Variants in MMUT observed in about 807,000 individuals in gnomAD.
The protein encoded by MMUT is methylmalonyl-CoA mutase, mitochondrial.
Under a neutral mutation model 79.9 loss-of-function variants are expected in MMUT, and 79 were observed. The observed-to-expected ratio is 0.99, with a 90% CI of 0.82 to 1.19. The LOEUF is 1.19. Among genes scored for constraint, MMUT ranks in the 50% most tolerant of loss-of-function variants. The pLI is 0.00. For missense variants in MMUT, 860 were observed against 917.2 expected (o/e 0.94, Z 0.81); for synonymous variants, 273 against 295.7 (o/e 0.92, Z 0.79).
intron 8 of MMUT, among the ~76,000 whole-genome samples, chr6:49,445,873 C>T (rs957891793): frequency 3.3e-5 from 5 of 151,900 alleles, no homozygotes; most frequent in Admixed American, 1.3e-4. Flanking sequence ...GCCCATTTTT[C>T]TTTATCTTTT....
At chr6:49,440,615 A>G (rs972644072) in intron 10 of MMUT, among the ~76,000 whole-genome samples, 3 of 152,128 alleles carry the variant, frequency 2.0e-5, no homozygotes, top group African/African-American at 7.2e-5. Context: ...CCCAGCATCC[A>G]TTAGCTATTC....
chr6:49,458,081 T>C (rs753457133), intron 2 of MMUT, 23 bp from the exon 3 acceptor site: 9 of 1,597,472 alleles, frequency 5.6e-6, no homozygotes, highest in South Asian at 2.2e-5. Context: ...AGAAAAATAA[T>C]GTAAGATTCA....
intron 11 of MMUT, among the ~76,000 whole-genome samples, chr6:49,438,195 A>G (rs1767183077): frequency 6.6e-6 from 1 of 152,158 alleles, no homozygotes; most frequent in Non-Finnish European, 1.5e-5. Context: ...CTTTTCATAT[A>G]AAATTATTAC....
At chr6:49,447,455 T>C (rs969214701) in intron 8 of MMUT, among the ~76,000 whole-genome samples, 1 of 151,832 alleles carries the variant, frequency 6.6e-6, no homozygotes, top group African/African-American at 2.4e-5. Flanking sequence ...AAGTTTTTGG[T>C]GTCAACAGAC....
At chr6:49,453,850 T>C in intron 4 of MMUT, 94 bp from the exon 5 acceptor site, 2 of 1,090,766 alleles carry the variant, frequency 1.8e-6, no homozygotes, top group Non-Finnish European at 2.7e-6. Flanking sequence ...AAAATCAAGG[T>C]CTATATTTTA....
At chr6:49,449,957 G>C (rs1214885683) in intron 6 of MMUT, among the ~76,000 whole-genome samples, 2 of 152,108 alleles carry the variant, frequency 1.3e-5, no homozygotes, top group Non-Finnish European at 2.9e-5. Context: ...AGCAGGCAGG[G>C]AGCAGTGGCT....
At chr6:49,454,151 T>C (rs1342174391) in intron 4 of MMUT, among the ~76,000 whole-genome samples, 1 of 152,200 alleles carries the variant, frequency 6.6e-6, no homozygotes, top group Non-Finnish European at 1.5e-5. Flanking sequence ...GAAAAGTGTT[T>C]TGTAAAAGAA....
At chr6:49,443,856 C>T in intron 9 of MMUT, 2 of 399,982 alleles carry the variant, frequency 5.0e-6, no homozygotes, top group African/African-American at 2.1e-5. Flanking sequence ...TTTCACTCAG[C>T]CTTTTTTAAA....
chr6:49,449,339 A>G (rs1346217381), intron 6 of MMUT, among the ~76,000 whole-genome samples: 1 of 152,206 alleles, frequency 6.6e-6, no homozygotes, highest in East Asian at 1.9e-4. Flanking sequence ...GGAAACATTT[A>G]AACCTTCAAT....
At chr6:49,447,263 C>G (rs1312486406) in intron 8 of MMUT, among the ~76,000 whole-genome samples, 5 of 151,980 alleles carry the variant, frequency 3.3e-5, no homozygotes, top group African/African-American at 1.2e-4. Flanking sequence ...AAAGAAATTA[C>G]AATAAGAAGC....
rs1205405778 is a variant in MMUT, at chr6:49,430,873, C to G, written c.*855G>C. 6.6e-6 allele frequency: 1 copy of G among 152,144 alleles called. No homozygotes were observed. The highest frequency in any genetic ancestry group is 1.5e-5 in the Non-Finnish European group (1 of 68,004). 9.4% of individuals were successfully genotyped at this position (152,144 alleles called of 1,614,324 possible). Reference sequence around the variant, plus strand: ...TTTCAGTAAGCAAAGTACAGGTGTTCTCTGTGATATTTTTATTTTTGCAAT... The same window carrying G: ...TTTCAGTAAGCAAAGTACAGGTGTTGTCTGTGATATTTTTATTTTTGCAAT... On this transcript the variant is annotated 3_prime_UTR_variant, in exon 13 of 13. Coordinates refer to ENST00000274813, the MANE Select transcript of MMUT (RefSeq NM_000255.4).
In MMUT at chr6:49,459,133, C is replaced by A; in HGVS notation, c.334G>T (p.Gly112Cys). Reference protein sequence around the residue: ...FRPWTIRQYAGFSTVEESNKF... With the variant: ...FRPWTIRQYACFSTVEESNKF... Reference sequence around the variant, plus strand: ...TTGCTTTCTTCCACAGTACTAAAACCAGCATACTGGCGGATGGTCCAGGGC... The same window carrying A: ...TTGCTTTCTTCCACAGTACTAAAACAAGCATACTGGCGGATGGTCCAGGGC... The change falls in exon 2 of 13, where the codon GGT becomes TGT. Residue 112 changes from glycine (G) to cysteine (C), a missense_variant. Transcript: ENST00000274813. The A allele has an allele frequency of 6.2e-7, 1 of 1,614,076 alleles. No homozygotes were observed. Among genetic ancestry groups the A allele is most frequent in the Non-Finnish European group, 8.5e-7 (1 of 1,180,000 alleles).
chr6:49,462,254 T>C (rs1047750008), intron 1 of MMUT, among the ~76,000 whole-genome samples: 5 of 152,156 alleles, frequency 3.3e-5, no homozygotes, highest in African/African-American at 1.2e-4. Context: ...AGAGCAATGA[T>C]TAATCCCACC....
At chr6:49,441,424 C>T (rs190547114) in intron 10 of MMUT, among the ~76,000 whole-genome samples, 16 of 151,654 alleles carry the variant, frequency 1.1e-4, no homozygotes, top group African/African-American at 3.9e-4. Flanking sequence ...AATATAAATA[C>T]CTGGAGGATA....
chr6:49,448,971 ATG>A, intron 6 of MMUT, 44 bp from the exon 7 acceptor site: 1 of 1,271,044 alleles, frequency 7.9e-7, no homozygotes, highest in South Asian at 1.2e-5. Context: ...AATATTAAAA[ATG>A]TGTGTAAACT....
intron 10 of MMUT, 35 bp from the exon 11 acceptor site, chr6:49,440,388 T>A (rs746708475): frequency 1.4e-5 from 23 of 1,603,178 alleles, no homozygotes; most frequent in Non-Finnish European, 1.9e-5. Context: ...AGTAGTTAGA[T>A]ACTAATTTTC....
At chr6:49,456,383 T>G in intron 3 of MMUT, 146 bp from the exon 4 acceptor site, 1 of 676,600 alleles carries the variant, frequency 1.5e-6, no homozygotes, top group Non-Finnish European at 2.6e-6. Flanking sequence ...AAATATTTAA[T>G]GCTTATTTGT....
chr6:49,447,548 GA>G (rs1294478311), intron 8 of MMUT, 121 bp downstream of exon 8: 3 of 649,082 alleles, frequency 4.6e-6, no homozygotes, highest in Non-Finnish European at 8.2e-6. Flanking sequence ...TGAAATGATG[GA>G]AATTAATACA....
At position 49,451,567 on chromosome 6, in the gene MMUT, T is replaced by C. The variant is rs1403433525; in HGVS notation, c.1231A>G (p.Ile411Val). 6.2e-7 allele frequency: 1 copy of C among 1,614,172 alleles called. No homozygotes were observed. Among genetic ancestry groups the C allele is most frequent in the East Asian group, 2.2e-5 (1 of 44,870 alleles). ...GGAATCCCAGATTCTTCTTGAATGA[T>C]GATTTGTGTGTTCCTGGCAATTCGA... is the stretch of plus-strand genomic sequence containing the variant. ...SARIARNTQI[I>V]IQEESGIPKV... The change falls in exon 6 of 13, where the codon ATC becomes GTC. Residue 411 changes from isoleucine (I) to valine (V), a missense_variant. By Grantham distance (29) the Ile-to-Val change is conservative. Coordinates refer to ENST00000274813, the MANE Select transcript of MMUT (RefSeq NM_000255.4).
Sources: gnomAD v4.1 joint callset for allele counts (sites outside exome capture counted in the v4.1 genomes callset) on GRCh38, gnomAD v4.1.1 for gene constraint, MANE v1.5 for transcripts, NCBI Gene and HGNC (gene_info 2026-07-23, HGNC 2026-07-21) for gene names.